The following OXR1 variants were observed in gnomAD, a reference collection of about 807,000 sequenced individuals.
OXR1 encodes the protein oxidation resistance protein 1.
In OXR1, 41 loss-of-function variants were observed where a neutral mutation model predicts 104.6. The observed-to-expected ratio is 0.39, with a 90% confidence interval of 0.31 to 0.51. OXR1 has a LOEUF of 0.51. Ranked by LOEUF, OXR1 falls within the 20% of genes least tolerant of loss-of-function variation. The pLI is 0.77. For synonymous variants in OXR1, 348 were observed against 348.4 expected, an observed-to-expected ratio of 1.00 and a Z score of 0.01; for missense variants, 955 against 1,031.9, an observed-to-expected ratio of 0.93 and a Z score of 1.02.
intron 8 of OXR1, among the ~76,000 whole-genome samples, chr8:106,704,093 T>A (rs1239129335): frequency 6.6e-6 from 1 of 152,084 alleles, no homozygotes; most frequent in Non-Finnish European, 1.5e-5. Flanking sequence ...CCACTGTACC[T>A]TCCACCCAAC....
At chr8:106,593,636 G>C (rs112505702) in intron 3 of OXR1, among the ~76,000 whole-genome samples, 1 of 152,140 alleles carries the variant, frequency 6.6e-6, no homozygotes, top group Admixed American at 6.5e-5. Context: ...AATTAGCCGG[G>C]TGTGGTGGCA....
intron 1 of OXR1, among the ~76,000 whole-genome samples, chr8:106,306,709 C>T (rs1423792212): frequency 1.3e-5 from 2 of 152,076 alleles, no homozygotes; most frequent in African/African-American, 4.8e-5. Flanking sequence ...GAACAGACAT[C>T]AGAAGAGGAG....
At chr8:106,349,647 A>G (rs963694516) in intron 1 of OXR1, among the ~76,000 whole-genome samples, 3 of 152,222 alleles carry the variant, frequency 2.0e-5, no homozygotes, top group Non-Finnish European at 4.4e-5. Context: ...ACTTTGAACA[A>G]TATTACCATA....
chr8:106,494,474 C>T (rs1161065045), intron 2 of OXR1, among the ~76,000 whole-genome samples: 1 of 152,136 alleles, frequency 6.6e-6, no homozygotes, highest in African/African-American at 2.4e-5. Context: ...AAAATGATCC[C>T]AGTTCCCTTA....
At chr8:106,452,476 T>C (rs1820369196) in intron 2 of OXR1, among the ~76,000 whole-genome samples, 1 of 152,186 alleles carries the variant, frequency 6.6e-6, no homozygotes, top group African/African-American at 2.4e-5. Flanking sequence ...GTTTCATATC[T>C]TGTTATCTTT....
At chr8:106,477,189 A>G (rs569144857) in intron 2 of OXR1, among the ~76,000 whole-genome samples, 2 of 152,116 alleles carry the variant, frequency 1.3e-5, no homozygotes, top group South Asian at 4.1e-4. Context: ...TGTTATTCAC[A>G]GTTTACGGTA....
intron 2 of OXR1, among the ~76,000 whole-genome samples, chr8:106,508,608 C>T (rs938577503): frequency 6.6e-6 from 1 of 152,182 alleles, no homozygotes; most frequent in Non-Finnish European, 1.5e-5. Context: ...TTAAAAACCA[C>T]AAAATGTCAT....
At chr8:106,631,027 T>A (rs536375894) in intron 3 of OXR1, among the ~76,000 whole-genome samples, 26 of 152,138 alleles carry the variant, frequency 1.7e-4, no homozygotes, top group Non-Finnish European at 3.4e-4. Context: ...AAATATTGAC[T>A]AAACATGTCA....
chr8:106,582,246 A>C (rs907108210), intron 3 of OXR1, among the ~76,000 whole-genome samples: 2 of 148,548 alleles, frequency 1.3e-5, no homozygotes, highest in Admixed American at 1.3e-4. Flanking sequence ...ACTGATCAAA[A>C]TTCAAAATCC....
chr8:106,478,627 A>G (rs1366167112), intron 2 of OXR1, among the ~76,000 whole-genome samples: 3 of 151,834 alleles, frequency 2.0e-5, no homozygotes, highest in Non-Finnish European at 4.4e-5. Context: ...ATCCAGAAAA[A>G]CAGAATATTT....
chr8:106,292,254 G>A (rs936497382), intron 1 of OXR1, among the ~76,000 whole-genome samples: 2 of 152,322 alleles, frequency 1.3e-5, no homozygotes, highest in East Asian at 3.9e-4. Context: ...CCAAAGAGAA[G>A]CTGGAAAGTG....
chr8:106,621,670 A>G (rs1423620419), intron 3 of OXR1, among the ~76,000 whole-genome samples: 2 of 152,174 alleles, frequency 1.3e-5, no homozygotes, highest in Non-Finnish European at 2.9e-5. Flanking sequence ...TATATGTGTT[A>G]CTTTTGAGGA....
In OXR1 at chr8:106,640,756, A is replaced by T. The variant is rs140922434; in HGVS notation, c.221-38454A>T. On this transcript the variant is annotated intron_variant, in intron 3 of 16. Coordinates refer to ENST00000517566, the MANE Select transcript of OXR1 (RefSeq NM_001198533.2). ...AGAAAGACAAATTTAAAATTTTGAA[A>T]TTCAAATTTTGCCAGTGATTCAATG... Among the ~76,000 whole-genome samples the T allele has an allele frequency of 1.7e-3, 254 of 152,294 alleles. 3 individuals carry two copies. Among genetic ancestry groups the T allele is most frequent in the African/African-American group, 5.9e-3 (245 of 41,578 alleles).
chr8:106,315,087 G>C (rs1813874011), intron 1 of OXR1, among the ~76,000 whole-genome samples: 1 of 151,690 alleles, frequency 6.6e-6, no homozygotes, highest in South Asian at 2.1e-4. Context: ...GAGAGGCATT[G>C]TAGTAGAAAG....
At chr8:106,364,581 AAAC>A (rs529600997) in intron 2 of OXR1, among the ~76,000 whole-genome samples, 20 of 149,734 alleles carry the variant, frequency 1.3e-4, no homozygotes, top group Admixed American at 8.1e-4. Flanking sequence ...CTCCATCTCT[AAAC>A]AACAACAACA....
intron 3 of OXR1, among the ~76,000 whole-genome samples, chr8:106,611,245 G>A (rs1286329636): frequency 6.6e-6 from 1 of 152,178 alleles, no homozygotes; most frequent in African/African-American, 2.4e-5. Flanking sequence ...AAGAGAAACT[G>A]CAAGTGCAAA....
intron 3 of OXR1, among the ~76,000 whole-genome samples, chr8:106,552,159 A>G (rs1815892958): frequency 6.6e-6 from 1 of 152,118 alleles, no homozygotes; most frequent in Non-Finnish European, 1.5e-5. Context: ...GAATACTTGT[A>G]TAAAGAGAAC....
intron 1 of OXR1, among the ~76,000 whole-genome samples, chr8:106,283,384 G>C (rs1812368068): frequency 6.6e-6 from 1 of 152,088 alleles, no homozygotes; most frequent in Admixed American, 6.6e-5. Flanking sequence ...TGAATCTGTT[G>C]GGTTCAACCT....
chr8:106,283,758 A>C (rs2130505565), intron 1 of OXR1, among the ~76,000 whole-genome samples: 1 of 152,266 alleles, frequency 6.6e-6, no homozygotes, highest in Non-Finnish European at 1.5e-5. Flanking sequence ...CCTGACAGGA[A>C]GTTTTGGCTC....
Sources: gnomAD v4.1 joint callset for allele counts (sites outside exome capture counted in the v4.1 genomes callset) on GRCh38, gnomAD v4.1.1 for gene constraint, MANE v1.5 for transcripts, NCBI Gene and HGNC (gene_info 2026-07-23, HGNC 2026-07-21) for gene names.